Variants in ABHD11 observed in about 807,000 individuals in gnomAD.
ABHD11 encodes sn-1-specific diacylglycerol lipase ABHD11.
Under a neutral mutation model 29.0 loss-of-function variants are expected in ABHD11, and 26 were observed. That is an observed-to-expected ratio of 0.90 (90% CI 0.66 to 1.24). The LOEUF (loss-of-function observed/expected upper bound fraction) is 1.24, where lower values mean the gene tolerates loss of function less well. ABHD11 is among the 50% of genes most tolerant of loss of function. ABHD11 has a pLI of 0.00. For missense variants in ABHD11, 381 were observed against 422.4 expected, an observed-to-expected ratio of 0.90 and a Z score of 0.86; for synonymous variants, 169 against 166.4, an observed-to-expected ratio of 1.02 and a Z score of -0.12.
At position 73,737,286 on chromosome 7, in the gene ABHD11, C is replaced by T. The variant is rs782364175; in HGVS notation, c.541G>A (p.Ala181Thr). Reference protein sequence around the residue: ...YVAAMRAINIADELPRSRARK... With the variant: ...YVAAMRAINITDELPRSRARK... ...GCACGGGAGCGGGGCAGCTCATCTG[C>T]GATGTTGATGGCCCTCATGGCTGCC... Residue 181 changes from alanine (A) to threonine (T), a missense_variant, in exon 4 of 6, where the codon GCA (alanine) becomes ACA (threonine). By Grantham distance (58) the Ala-to-Thr change is moderately conservative (BLOSUM62 0). Transcript: ENST00000222800. 3.7e-5 allele frequency: 60 copies of T among 1,613,970 alleles called. No homozygotes were observed. In the Middle Eastern group the frequency reaches 4.9e-4, roughly 13 times the overall value.
rs782771216 is a variant in ABHD11, at chr7:73,738,721, G to C, written c.50C>G (p.Pro17Arg). Reference sequence around the variant, plus strand: ...CACCCTCGCGAAGCTAGGGCCGTGGGGGCCGAGTCCCTCACGCGGGAGCCT... The same window carrying C: ...CACCCTCGCGAAGCTAGGGCCGTGGCGGCCGAGTCCCTCACGCGGGAGCCT... ...AWRLPREGLGPHGPSFARVPV... is the reference protein window; with the variant it reads ...AWRLPREGLGRHGPSFARVPV... Residue 17 changes from proline to arginine, a missense_variant, in exon 1 of 6, where the codon CCC becomes CGC. By Grantham distance (103) the Pro-to-Arg change is moderately radical. Transcript: ENST00000222800. 6.2e-7 allele frequency: 1 copy of C among 1,608,878 alleles called. No homozygotes were observed. The highest frequency in any genetic ancestry group is 1.3e-5 in the African/African-American group (1 of 74,776).
At chr7:73,736,757 C>A in intron 5 of ABHD11, 66 bp from the exon 6 acceptor site, 1 of 1,608,300 alleles carries the variant, frequency 6.2e-7, no homozygotes, top group East Asian at 2.2e-5. Flanking sequence ...GAAAGAGACA[C>A]GTGGAAGCAG....
At chr7:73,737,443 C>A (rs782375030) in intron 3 of ABHD11, 52 bp from the exon 4 acceptor site, 1 of 1,578,286 alleles carries the variant, frequency 6.3e-7, no homozygotes, top group South Asian at 1.2e-5. Context: ...TAGGGAGTCT[C>A]AGGCATGGCT....
chr7:73,736,966 T>C lies in ABHD11; in HGVS notation c.751A>G (p.Thr251Ala), dbSNP rs1163622975. Residue 251 changes from threonine (T) to alanine (A), a missense_variant, in exon 5 of 6, where the codon ACA becomes GCA. Transcript: ENST00000222800. ...GAGTTTCCACCAAGGAGAAAGAGTG[T>C]TGGCCCGAGGTAGGACTCCTGCCTC... is the stretch of plus-strand genomic sequence containing the variant. ...PQRQESYLGP[T>A]LFLLGGNSQF... 12 of 1,613,770 alleles carry C rather than the reference T, an allele frequency of 7.4e-6. No homozygotes were observed. Among genetic ancestry groups the C allele is most frequent in the Non-Finnish European group, 1.0e-5 (12 of 1,180,014 alleles).
In ABHD11 at chr7:73,738,361, G is replaced by A; in HGVS notation, c.228C>T (p.Ile76=). The change falls in exon 2 of 6, where the codon ATC becomes ATT. Residue 76 remains isoleucine, a synonymous_variant. Transcript: ENST00000222800. ...CTGTCTGCTGGGCCAAGATCTTGGC[G>A]ATGGAGTTGAAGTTAGTTTTGCTGC... ...LFGSKTNFNS[I]AKILAQQTGR... The A allele has an allele frequency of 6.2e-7, 1 of 1,613,406 alleles. No individual in the cohort carries two copies. Among genetic ancestry groups the A allele is most frequent in the African/African-American group, 1.3e-5 (1 of 74,962 alleles).
intron 1 of ABHD11, 82 bp from the exon 2 acceptor site, chr7:73,738,545 G>T (rs994955353): frequency 5.1e-6 from 8 of 1,565,848 alleles, no homozygotes; most frequent in Non-Finnish European, 6.9e-6. Flanking sequence ...TGGGGGAGAG[G>T]CCTGGGAGGT....
Position 73,736,235 on chromosome 7 carries a change from CTCCTT to C in ABHD11, c.*319_*323del. 1 of 473,918 alleles carries C rather than the reference CTCCTT, an allele frequency of 2.1e-6. No individual in the cohort carries two copies. Among genetic ancestry groups the C allele is most frequent in the Non-Finnish European group, 4.2e-6 (1 of 238,818 alleles). The allele number at this position is 473,918 out of a possible 1,614,324, so 29.4% of individuals were successfully genotyped here. A position where few individuals can be genotyped will look rare whatever the true frequency, so the allele number is the denominator to read the frequency against. On this transcript the variant is annotated 3_prime_UTR_variant, in exon 6 of 6. Transcript: ENST00000222800. ...AGACTTGAAGCCTGGGGTTTTGTGCCTCCTTTTTGTTTTGTTTTTTTTGAGACAGA... is the reference window on the plus strand; with the variant it reads ...AGACTTGAAGCCTGGGGTTTTGTGCCTTTGTTTTGTTTTTTTTGAGACAGA...
In ABHD11 at chr7:73,738,743, G is replaced by A. The variant is rs782499299; in HGVS notation, c.28C>T (p.Leu10Phe). The A allele has an allele frequency of 2.0e-5, 32 of 1,610,112 alleles. No homozygotes were observed. In the Admixed American group the frequency reaches 3.4e-4, roughly 17 times the overall value. The change falls in exon 1 of 6, where the codon CTC (leucine) becomes TTC (phenylalanine). Residue 10 changes from leucine (L) to phenylalanine (F), a missense_variant. Coordinates refer to ENST00000222800, the MANE Select transcript of ABHD11 (RefSeq NM_148912.4). The part of the protein sequence containing the change: MLRWTRAWR[L>F]PREGLGPHGP... ...TGGGGGCCGAGTCCCTCACGCGGGA[G>A]CCTCCAGGCTCGGGTCCAGCGGAGC...
chr7:73,737,577 C>T lies in ABHD11; in HGVS notation c.420G>A (p.Leu140=), dbSNP rs150966478. Residue 140 remains leucine (L), a synonymous_variant, in exon 3 of 6, where the codon CTG becomes CTA. Transcript: ENST00000222800. ...GHSMGGKTAM[L]LALQRPELVE... ...GGCGGCTCACCCTCTGTAGTGCCAG[C>T]AGCATGGCTGTCTTTCCTCCCATGC... The T allele has an allele frequency of 3.1e-6, 5 of 1,608,604 alleles. No individual in the cohort carries two copies. The African/African-American group carries it at 6.7e-5, about 21-fold the overall frequency.
chr7:73,736,904 C>T lies in ABHD11; in HGVS notation c.788+25G>A, dbSNP rs150848381. Reference sequence around the variant, plus strand: ...GGGGCCTGGGCGAGTAAAGCATGCCCCTCCTACTACCCAGGCTAGCTTACT... The same window carrying T: ...GGGGCCTGGGCGAGTAAAGCATGCCTCTCCTACTACCCAGGCTAGCTTACT... On this transcript the variant is annotated intron_variant, in intron 5 of 5. Coordinates refer to ENST00000222800, the MANE Select transcript of ABHD11 (RefSeq NM_148912.4). The T allele has an allele frequency of 1.1e-4, 184 of 1,607,374 alleles. No homozygotes were observed. In the African/African-American group the frequency reaches 2.3e-3, roughly 20 times the overall value.
rs549775430 is a variant in ABHD11, at chr7:73,737,613, G to C, written c.384C>G (p.Val128=). ...TCTTTCCTCCCATGCTGTGGCCAAC[G>C]ACGACGCAGGGCACCAGGCCCAGCT... ...LPQLGLVPCV[V]VGHSMGGKTA... The change falls in exon 3 of 6, where the codon GTC becomes GTG. Residue 128 remains valine (V), a synonymous_variant. Transcript: ENST00000222800. The C allele has an allele frequency of 1.7e-5, 27 of 1,613,736 alleles. No individual in the cohort carries two copies. The highest frequency in any genetic ancestry group is 1.5e-4 in the Admixed American group (9 of 59,930).
At chr7:73,738,523 G>C (rs577615985) in intron 1 of ABHD11, 60 bp from the exon 2 acceptor site, 1 of 1,578,212 alleles carries the variant, frequency 6.3e-7, no homozygotes, top group Non-Finnish European at 8.6e-7. Context: ...AAGGGGTAGG[G>C]GGAAAGAGCT....
chr7:73,738,245 G>C (rs1800135998), intron 2 of ABHD11, 83 bp downstream of exon 2: 6 of 1,462,326 alleles, frequency 4.1e-6, no homozygotes, highest in South Asian at 1.3e-5. Context: ...CGTGAGAAGC[G>C]GGACCCCCCC....
rs138792415 is a variant in ABHD11 at position 73,737,078 on chromosome 7, G to A, written c.639C>T (p.Asn213=). Residue 213 remains asparagine, a synonymous_variant, in exon 5 of 6, where the codon AAC becomes AAT. Transcript: ENST00000222800. ...DMAVRQHLLT[N]LVEVDGRFVW... is the part of the protein sequence containing the mutation. The stretch of plus-strand genomic sequence containing the variant: ...CGAAGCGCCCGTCTACCTCTACCAG[G>A]TTAGTGAGCAGGTGCTGCCGCACGG... 30 of 1,613,984 alleles carry A rather than the reference G, an allele frequency of 1.9e-5. No individual in the cohort carries two copies. The East Asian group carries it at 3.1e-4, about 17-fold the overall frequency.
rs1799878025 is a variant in ABHD11, at chr7:73,736,448, C to T, written c.*111G>A. On this transcript the variant is annotated 3_prime_UTR_variant, in exon 6 of 6. Coordinates refer to ENST00000222800, the MANE Select transcript of ABHD11 (RefSeq NM_148912.4). ...AGAGACAGGGTTTCACCATGTTGGC[C>T]AGGCTGGTCTCCAACTCCTGGCCTC... is the stretch of plus-strand genomic sequence containing the variant. 4 of 1,431,366 alleles carry T rather than the reference C, an allele frequency of 2.8e-6. No individual in the cohort carries two copies. The highest frequency in any genetic ancestry group is 3.8e-6 in the Non-Finnish European group (4 of 1,047,314). 88.7% of individuals were successfully genotyped at this position (1,431,366 alleles called of 1,614,324 possible). A position where few individuals can be genotyped will look rare whatever the true frequency, so the allele number is the denominator to read the frequency against.
At position 73,738,314 on chromosome 7, in the gene ABHD11, A is replaced by G; in HGVS notation, c.261+14T>C. ...GCCCAGCCCCAAAGGAGCCCCGCCC[A>G]CTCGAAAGCTCACCCTACGGCCTGT... is the stretch of plus-strand genomic sequence containing the variant. On this transcript the variant is annotated intron_variant, in intron 2 of 5. Transcript: ENST00000222800. 1.4e-6 allele frequency: 1 copy of G among 719,664 alleles called. No homozygotes were observed. Among genetic ancestry groups the G allele is most frequent in the Non-Finnish European group, 2.1e-6 (1 of 469,220 alleles). 44.6% of individuals were successfully genotyped at this position (719,664 alleles called of 1,614,324 possible).
Position 73,737,672 on chromosome 7 carries a change from T to G in ABHD11, c.325A>C (p.Ile109Leu). The G allele has an allele frequency of 8.1e-6, 13 of 1,614,024 alleles. No individual in the cohort carries two copies. The highest frequency in any genetic ancestry group is 1.0e-5 in the Non-Finnish European group (12 of 1,179,980). ...AGGTCCTGCAGGTCCTGGCTCATGA[T>G]CTCGTAGCTCATGTCTGGGCTGTGG... ...SPHSPDMSYE[I>L]MSQDLQDLLP... Residue 109 changes from isoleucine (I) to leucine (L), a missense_variant, in exon 3 of 6, where the codon ATC becomes CTC. Transcript: ENST00000222800.
rs1799857354 is a variant in ABHD11 at position 73,736,244 on chromosome 7, G to A, written c.*315C>T. 1 of 481,242 alleles carries A rather than the reference G, an allele frequency of 2.1e-6. No homozygotes were observed. Among genetic ancestry groups the A allele is most frequent in the South Asian group, 1.5e-5 (1 of 64,770 alleles). The allele number at this position is 481,242 out of a possible 1,614,324, so 29.8% of individuals were successfully genotyped here. A position where few individuals can be genotyped will look rare whatever the true frequency, so the allele number is the denominator to read the frequency against. Reference sequence around the variant, plus strand: ...GCCTGGGGTTTTGTGCCTCCTTTTTGTTTTGTTTTTTTTGAGACAGAGTCT... The same window carrying A: ...GCCTGGGGTTTTGTGCCTCCTTTTTATTTTGTTTTTTTTGAGACAGAGTCT... On this transcript the variant is annotated 3_prime_UTR_variant, in exon 6 of 6. Coordinates refer to ENST00000222800, the MANE Select transcript of ABHD11 (RefSeq NM_148912.4).
chr7:73,736,890 G>A (rs2293484), intron 5 of ABHD11, 39 bp downstream of exon 5: 1 of 1,599,674 alleles, frequency 6.3e-7, no homozygotes, highest in African/African-American at 1.3e-5. Flanking sequence ...GGGCCTGGGC[G>A]AGTAAAGCAT....
Sources: allele counts gnomAD v4.1 joint callset, GRCh38; gene constraint gnomAD v4.1.1; transcripts MANE v1.5; gene names NCBI Gene and HGNC (gene_info 2026-07-23, HGNC 2026-07-21).